MTUS1: variants seen among roughly 807,000 people sequenced by gnomAD.
MTUS1 encodes the protein microtubule-associated tumor suppressor 1.
MTUS1 carries 109 observed loss-of-function variants against 120.8 expected under a neutral mutation model. The ratio of observed to expected loss-of-function variants is 0.90; its 90% CI spans 0.77 to 1.06. MTUS1 has a LOEUF of 1.06. Ranked by LOEUF, MTUS1 falls within the 50% of genes least tolerant of loss-of-function variation. MTUS1 has a pLI of 0.00. For synonymous variants in MTUS1, 737 were observed against 550.5 expected (o/e 1.34, Z -4.74); for missense variants, 2,210 against 1,486.3 (o/e 1.49, Z -8.01).
Position 17,755,167 on chromosome 8 carries a change from T to C in MTUS1, c.641A>G (p.Asp214Gly), listed in dbSNP as rs1040051488. The part of the protein sequence containing the change: ...SYSTWTSSHS[D>G]KTHARETTYD... ...AGTAGTTTCTCTTGCATGCGTCTTA[T>C]CAGAATGGGAAGATGTCCAAGTGGA... The change falls in exon 2 of 15, where the codon GAT becomes GGT. Residue 214 changes from aspartate to glycine, a missense_variant. By Grantham distance (94) the Asp-to-Gly change is moderately conservative. Transcript: ENST00000693296. 2 of 1,614,062 alleles carry C rather than the reference T, an allele frequency of 1.2e-6. No homozygotes were observed. Among genetic ancestry groups the C allele is most frequent in the Admixed American group, 1.7e-5 (1 of 60,008 alleles).
chr8:17,667,519 A>G (rs11990915), intron 8 of MTUS1, among the ~76,000 whole-genome samples: 73,882 of 152,092 alleles, frequency 0.49, 20,219 homozygotes, highest in Middle Eastern at 0.7. Context: ...TTAAGTGTTG[A>G]TTAGGCAATG....
At chr8:17,674,885 T>C (rs1333623086) in intron 8 of MTUS1, 1 of 1,191,360 alleles carries the variant, frequency 8.4e-7, no homozygotes, top group Non-Finnish European at 1.0e-6. Context: ...GACAACATTA[T>C]TTAACAGGAA....
chr8:17,670,736 C>G (rs898833938), intron 8 of MTUS1, among the ~76,000 whole-genome samples: 2 of 152,034 alleles, frequency 1.3e-5, no homozygotes, highest in African/African-American at 4.8e-5. Context: ...GGCAGGAGAA[C>G]TGCTTGAACC....
At chr8:17,800,562 G>A (rs780598505) in intron 1 of MTUS1, 3 of 152,156 alleles carry the variant, frequency 2.0e-5, no homozygotes, top group African/African-American at 7.2e-5. Context: ...GAACACCTAA[G>A]TCCACTAAGC....
In MTUS1 at chr8:17,754,944, C is replaced by T. The variant is rs764912599; in HGVS notation, c.864G>A (p.Glu288=). 3.1e-6 allele frequency: 5 copies of T among 1,614,108 alleles called. No homozygotes were observed. The East Asian group carries it at 8.9e-5, about 29-fold the overall frequency. The change falls in exon 2 of 15, where the codon GAG becomes GAA. Residue 288 remains glutamate (E), a synonymous_variant. Coordinates refer to ENST00000693296, the MANE Select transcript of MTUS1 (RefSeq NM_001363059.2). ...CAGAAACTGGTGTTAGTGCTTGTGT[C>T]TCCTTTTCTCCAACTAGTCTTTGTT... ...GSQQRLVGEK[E]TQALTPVSDG...
At chr8:17,783,366 C>T (rs1231111609) in intron 1 of MTUS1, among the ~76,000 whole-genome samples, 2 of 152,080 alleles carry the variant, frequency 1.3e-5, no homozygotes, top group Admixed American at 1.3e-4. Context: ...CAACATGGAC[C>T]AGCCAAGTTC....
chr8:17,717,172 C>T (rs766465331), intron 4 of MTUS1, among the ~76,000 whole-genome samples: 9 of 152,174 alleles, frequency 5.9e-5, no homozygotes, highest in Admixed American at 5.2e-4. Flanking sequence ...TCATTGTTCT[C>T]GTGCCCAAAT....
At chr8:17,783,642 G>C (rs2051068747) in intron 1 of MTUS1, among the ~76,000 whole-genome samples, 2 of 152,148 alleles carry the variant, frequency 1.3e-5, no homozygotes, top group Admixed American at 6.5e-5. Flanking sequence ...GTTCAACTCA[G>C]CCTGAGGCTC....
intron 1 of MTUS1, among the ~76,000 whole-genome samples, chr8:17,784,876 C>A (rs1295509132): frequency 1.3e-5 from 2 of 152,022 alleles, no homozygotes; most frequent in African/African-American, 2.4e-5. Flanking sequence ...CCTCCGCCTC[C>A]CGGCTTCAAG....
chr8:17,798,356 G>A (rs1375239605), intron 1 of MTUS1, among the ~76,000 whole-genome samples: 1 of 151,648 alleles, frequency 6.6e-6, no homozygotes, highest in South Asian at 2.1e-4. Flanking sequence ...TTTTTAAGAT[G>A]GAGTTTTGCC....
chr8:17,674,046 A>C (rs1212136365), intron 8 of MTUS1, among the ~76,000 whole-genome samples: 3 of 152,216 alleles, frequency 2.0e-5, no homozygotes, highest in African/African-American at 7.2e-5. Flanking sequence ...ATCTGGCTGA[A>C]GCTGAAGCAG....
Position 17,645,881 on chromosome 8 carries a change from C to G in MTUS1, c.*45G>C. 6.3e-7 allele frequency: 1 copy of G among 1,580,640 alleles called. No individual in the cohort carries two copies. Among genetic ancestry groups the G allele is most frequent in the Non-Finnish European group, 8.6e-7 (1 of 1,163,874 alleles). ...CCTCCTTGGGGTCAGTCCTGCAGAC[C>G]TGCATCAAAATGCTTTCAGAGAGTC... On this transcript the variant is annotated 3_prime_UTR_variant, in exon 15 of 15. Coordinates refer to ENST00000693296, the MANE Select transcript of MTUS1 (RefSeq NM_001363059.2).
chr8:17,649,111 T>C (rs1469906035), intron 13 of MTUS1, among the ~76,000 whole-genome samples: 1 of 151,674 alleles, frequency 6.6e-6, no homozygotes, highest in East Asian at 1.9e-4. Context: ...TTTTTTGAGA[T>C]GGAGTCTTGC....
In MTUS1 at chr8:17,693,515, C is replaced by T. The variant is rs181789872; in HGVS notation, c.2624-8973G>A. On this transcript the variant is annotated intron_variant, in intron 6 of 14. Coordinates refer to ENST00000693296, the MANE Select transcript of MTUS1 (RefSeq NM_001363059.2). ...CCGGATCTCTACAATGACCAGCCCC[C>T]GTCCCACCACATTCTATGCTCAGAA... 1.1e-4 allele frequency among the ~76,000 whole-genome samples: 17 copies of T among 152,328 alleles called. No homozygotes were observed. The East Asian group carries it at 1.9e-3, about 17-fold the overall frequency.
At chr8:17,767,225 A>G (rs954095805) in intron 1 of MTUS1, among the ~76,000 whole-genome samples, 1 of 151,020 alleles carries the variant, frequency 6.6e-6, no homozygotes, top group African/African-American at 2.4e-5. Context: ...CATTTATAAA[A>G]AACAGTTTCA....
intron 1 of MTUS1, among the ~76,000 whole-genome samples, chr8:17,773,270 C>A (rs2050148829): frequency 1.3e-5 from 2 of 152,186 alleles, no homozygotes; most frequent in South Asian, 2.1e-4. Flanking sequence ...CGTCTCAGAT[C>A]ACCATACGTA....
intron 7 of MTUS1, among the ~76,000 whole-genome samples, chr8:17,683,577 C>T (rs1035377916): frequency 4.6e-5 from 7 of 152,194 alleles, no homozygotes; most frequent in African/African-American, 1.7e-4. Flanking sequence ...CAGGCATGAG[C>T]CACAGTACTG....
rs1053227747 is a variant in MTUS1, at chr8:17,704,731, G to A, written c.2623+8483C>T. ...TCCAGCTTTGTTCTTTGTCAAGATT[G>A]TTTTGGCTATTTGCAGTCCTCTGTC... On this transcript the variant is annotated intron_variant, in intron 6 of 14. Coordinates refer to ENST00000693296, the MANE Select transcript of MTUS1 (RefSeq NM_001363059.2). Among the ~76,000 whole-genome samples, 21 of 152,250 alleles carry A rather than the reference G, an allele frequency of 1.4e-4. 1 individual carries two copies. The highest frequency in any genetic ancestry group is 3.8e-4 in the African/African-American group (16 of 41,560).
intron 6 of MTUS1, among the ~76,000 whole-genome samples, chr8:17,711,238 T>C (rs1821241961): frequency 6.6e-6 from 1 of 152,244 alleles, no homozygotes; most frequent in Non-Finnish European, 1.5e-5. Context: ...TGTTTACCTG[T>C]GCAAGTCCTA....
Sources: gnomAD v4.1 joint callset for allele counts (sites outside exome capture counted in the v4.1 genomes callset) on GRCh38, gnomAD v4.1.1 for gene constraint, MANE v1.5 for transcripts, NCBI Gene and HGNC (gene_info 2026-07-23, HGNC 2026-07-21) for gene names.